LGR4: variants seen among roughly 807,000 people sequenced by gnomAD.
The protein encoded by LGR4 is leucine rich repeat containing G protein-coupled receptor 4.
LGR4 carries 44 observed loss-of-function variants against 84.8 expected under a neutral mutation model. The ratio of observed to expected loss-of-function variants is 0.52; its 90% CI spans 0.41 to 0.67. The LOEUF is 0.67. Ranked by LOEUF, LGR4 falls within the 30% of genes least tolerant of loss-of-function variation. The pLI, the probability that LGR4 is intolerant of heterozygous loss-of-function variation, is 0.00. For synonymous variants in LGR4, 429 were observed against 434.3 expected (o/e 0.99, Z 0.15); for missense variants, 1,032 against 1,131.4 (o/e 0.91, Z 1.26).
intron 4 of LGR4, 104 bp from the exon 5 acceptor site, chr11:27,385,572 A>T: frequency 3.0e-6 from 2 of 677,614 alleles, no homozygotes; most frequent in South Asian, 4.4e-5. Flanking sequence ...ACTTATAAAA[A>T]TTATCATCTT....
intron 1 of LGR4, among the ~76,000 whole-genome samples, chr11:27,427,817 C>T (rs758740330): frequency 1.3e-5 from 2 of 152,154 alleles, no homozygotes; most frequent in Non-Finnish European, 2.9e-5. Context: ...TATTAGAGCC[C>T]TTGGGAAAAA....
chr11:27,458,834 G>A lies in LGR4; in HGVS notation c.185+13284C>T, dbSNP rs540938131. Among the ~76,000 whole-genome samples, 38 of 152,126 alleles carry A rather than the reference G, an allele frequency of 2.5e-4. No individual in the cohort carries two copies. In the South Asian group the frequency reaches 6.7e-3, roughly 27 times the overall value. ...GACTACAGGCATGAGTTACCATGCC[G>A]GGCCTTGAATTCACAGTTTTGAAAG... is the stretch of plus-strand genomic sequence containing the variant. On this transcript the variant is annotated intron_variant, in intron 1 of 17. Transcript: ENST00000379214.
intron 2 of LGR4, among the ~76,000 whole-genome samples, chr11:27,411,449 C>T (rs1267666516): frequency 1.3e-5 from 2 of 150,798 alleles, no homozygotes; most frequent in Non-Finnish European, 3.0e-5. Context: ...CCAAGGATAA[C>T]ATTTGGTATA....
chr11:27,428,007 G>A (rs1864053342), intron 1 of LGR4, among the ~76,000 whole-genome samples: 1 of 152,196 alleles, frequency 6.6e-6, no homozygotes, highest in South Asian at 2.1e-4. Context: ...AGTAGCTTCA[G>A]TAATTCCTGT....
chr11:27,400,994 CACAT>C (rs1863490116), intron 2 of LGR4, among the ~76,000 whole-genome samples: 1 of 152,156 alleles, frequency 6.6e-6, no homozygotes, highest in African/African-American at 2.4e-5. Flanking sequence ...CCCATTTCTT[CACAT>C]ACTAGGGAAG....
chr11:27,400,443 A>G (rs1349630193), intron 2 of LGR4, among the ~76,000 whole-genome samples: 2 of 152,160 alleles, frequency 1.3e-5, no homozygotes, highest in Admixed American at 1.3e-4. Flanking sequence ...GGAATAAAAC[A>G]ATGTAAATAA....
At position 27,396,900 on chromosome 11, in the gene LGR4, T is replaced by A. The variant is rs541726204; in HGVS notation, c.258-4382A>T. Among the ~76,000 whole-genome samples the A allele has an allele frequency of 9.0e-4, 137 of 152,284 alleles. No individual in the cohort carries two copies. In the Middle Eastern group the frequency reaches 0.017, roughly 19 times the overall value. ...GAAGGTGGAGAGTCCCAGGCATCAGTTCTTTCCCCTCCGTGTTCTGTTTCC... is the reference window on the plus strand; with the variant it reads ...GAAGGTGGAGAGTCCCAGGCATCAGATCTTTCCCCTCCGTGTTCTGTTTCC... On this transcript the variant is annotated intron_variant, in intron 2 of 17. Coordinates refer to ENST00000379214, the MANE Select transcript of LGR4 (RefSeq NM_018490.5).
intron 2 of LGR4, among the ~76,000 whole-genome samples, chr11:27,412,373 T>G (rs1014168137): frequency 4.6e-5 from 7 of 152,246 alleles, no homozygotes; most frequent in Middle Eastern, 3.4e-3. Context: ...TGGCTCACTG[T>G]TGAAATTGTT....
At position 27,368,733 on chromosome 11, in the gene LGR4, C is replaced by A. The variant is rs916527662; in HGVS notation, c.1990G>T (p.Val664Phe). ...CCTAGGAAAGCCAAAAGGGCAGCAACCCGGAACTGTTTGAGATGATTGCTC... is the reference window on the plus strand; with the variant it reads ...CCTAGGAAAGCCAAAAGGGCAGCAAACCGGAACTGTTTGAGATGATTGCTC... Reference protein sequence around the residue: ...GKSNHLKQFRVAALLAFLGAT... With the variant: ...GKSNHLKQFRFAALLAFLGAT... Residue 664 changes from valine (V) to phenylalanine (F), a missense_variant, in exon 18 of 18, where the codon GTT becomes TTT. Physicochemically the swap from Val to Phe is conservative, Grantham distance 50. Transcript: ENST00000379214. 2.5e-6 allele frequency: 4 copies of A among 1,613,768 alleles called. No homozygotes were observed. Among genetic ancestry groups the A allele is most frequent in the South Asian group, 1.1e-5 (1 of 91,034 alleles).
At chr11:27,373,706 G>A (rs766322978) in intron 14 of LGR4, 30 bp from the exon 15 acceptor site, 6 of 1,526,934 alleles carry the variant, frequency 3.9e-6, no homozygotes, top group Admixed American at 3.9e-5. Flanking sequence ...TCAAGTTAAT[G>A]CCCAATATAT....
At chr11:27,408,989 G>A (rs1863661760) in intron 2 of LGR4, among the ~76,000 whole-genome samples, 1 of 152,038 alleles carries the variant, frequency 6.6e-6, no homozygotes, top group Non-Finnish European at 1.5e-5. Flanking sequence ...CAGGTGTTGG[G>A]GGAGAGCAGG....
intron 2 of LGR4, among the ~76,000 whole-genome samples, chr11:27,395,062 T>C (rs114862716): frequency 0.013 from 1,937 of 152,188 alleles, 44 homozygotes; most frequent in African/African-American, 0.044. Context: ...CCCATTAAAT[T>C]CAACTGATAA....
chr11:27,436,879 C>T (rs1027400472), intron 1 of LGR4, among the ~76,000 whole-genome samples: 3 of 151,948 alleles, frequency 2.0e-5, no homozygotes. Flanking sequence ...CTTAGCTATA[C>T]CAGTCTTTGC....
chr11:27,389,255 G>C (rs1331615122), intron 4 of LGR4, among the ~76,000 whole-genome samples: 1 of 151,956 alleles, frequency 6.6e-6, no homozygotes, highest in Non-Finnish European at 1.5e-5. Context: ...AAGAAAACAG[G>C]CCTGACACAG....
rs564596594 is a variant in LGR4, at chr11:27,387,782, T to C, written c.402-2314A>G. On this transcript the variant is annotated intron_variant, in intron 4 of 17. Coordinates refer to ENST00000379214, the MANE Select transcript of LGR4 (RefSeq NM_018490.5). ...AAAGTTTAAATTGTTTATTTTATCA[T>C]GCTGATGATGTATATTCATATTCAA... is the stretch of plus-strand genomic sequence containing the variant. Among the ~76,000 whole-genome samples, 18 of 152,324 alleles carry C rather than the reference T, an allele frequency of 1.2e-4. No individual in the cohort carries two copies. The South Asian group carries it at 3.3e-3, about 28-fold the overall frequency.
rs569318451 is a variant in LGR4, at chr11:27,435,842, T to C, written c.186-22982A>G. The stretch of plus-strand genomic sequence containing the variant: ...AGGCTGGAGGCAAATGGTTCACATA[T>C]CTTAACCTCACAATAATCCTAAGAG... On this transcript the variant is annotated intron_variant, in intron 1 of 17. Transcript: ENST00000379214. Among the ~76,000 whole-genome samples the C allele has an allele frequency of 2.0e-5, 3 of 152,160 alleles. No homozygotes were observed. In the South Asian group the frequency reaches 6.2e-4, roughly 32 times the overall value.
chr11:27,375,523 C>T (rs1329228172), intron 13 of LGR4, among the ~76,000 whole-genome samples: 1 of 152,072 alleles, frequency 6.6e-6, no homozygotes, highest in African/African-American at 2.4e-5. Flanking sequence ...ATGATAGATA[C>T]TCCAGTGCAG....
chr11:27,377,116 C>A, intron 12 of LGR4, 42 bp downstream of exon 12: 1 of 1,194,426 alleles, frequency 8.4e-7, no homozygotes, highest in Non-Finnish European at 1.2e-6. Context: ...AACAAACTAA[C>A]AATACACCAC....
chr11:27,458,935 C>A (rs1162316132), intron 1 of LGR4, among the ~76,000 whole-genome samples: 1 of 151,614 alleles, frequency 6.6e-6, no homozygotes, highest in Non-Finnish European at 1.5e-5. Flanking sequence ...AATATGGAGG[C>A]AATAAATAAA....
Sources: gnomAD v4.1 joint callset for allele counts (sites outside exome capture counted in the v4.1 genomes callset) on GRCh38, gnomAD v4.1.1 for gene constraint, MANE v1.5 for transcripts, NCBI Gene and HGNC (gene_info 2026-07-23, HGNC 2026-07-21) for gene names.